The following PHF21A variants were observed in gnomAD, a reference collection of about 807,000 sequenced individuals.
PHF21A encodes PHD finger protein 21A.
In PHF21A, 11 loss-of-function variants were observed where a neutral mutation model predicts 82.5. The ratio of observed to expected loss-of-function variants is 0.13; its 90% CI spans 0.08 to 0.22. The LOEUF (loss-of-function observed/expected upper bound fraction) is 0.22. Ranked by LOEUF, PHF21A falls within the 10% of genes least tolerant of loss-of-function variation. PHF21A has a pLI of 1.00. For synonymous variants in PHF21A, 297 were observed against 302.8 expected (o/e 0.98, Z 0.20); for missense variants, 579 against 837.8 (o/e 0.69, Z 3.81).
chr11:46,117,510 G>A (rs529146148), intron 1 of PHF21A, among the ~76,000 whole-genome samples: 24 of 152,178 alleles, frequency 1.6e-4, no homozygotes, highest in Non-Finnish European at 3.2e-4. Context: ...TTATAAAGCC[G>A]AGTGCCTAAA....
chr11:46,084,836 C>T (rs111608645), intron 3 of PHF21A, among the ~76,000 whole-genome samples: 2,213 of 152,154 alleles, frequency 0.015, 49 homozygotes, highest in African/African-American at 0.05. Flanking sequence ...CCTGCCACTA[C>T]GCCCGGCTCA....
At position 46,025,149 on chromosome 11, in the gene PHF21A, G is replaced by C. The variant is rs1237963205; in HGVS notation, c.154-45183C>G. ...GAGATAACAGTGACAGGAATATGTT[G>C]AAAGAAAATAATTTTCTCTGGGGCA... On this transcript the variant is annotated intron_variant, in intron 6 of 18. Transcript: ENST00000676320. 6.0e-5 allele frequency among the ~76,000 whole-genome samples: 9 copies of C among 150,648 alleles called. No homozygotes were observed. The East Asian group carries it at 1.8e-3, about 29-fold the overall frequency.
At chr11:46,007,134 G>A (rs182037599) in intron 6 of PHF21A, among the ~76,000 whole-genome samples, 18 of 152,222 alleles carry the variant, frequency 1.2e-4, no homozygotes, top group South Asian at 4.1e-4. Context: ...ATAACGTGAC[G>A]AGACATCTAT....
intron 6 of PHF21A, among the ~76,000 whole-genome samples, chr11:45,989,371 T>A (rs1057478460): frequency 2.7e-5 from 4 of 150,620 alleles, no homozygotes; most frequent in African/African-American, 9.8e-5. Flanking sequence ...TTAGCTGGGG[T>A]GGGCCAGACG....
intron 6 of PHF21A, among the ~76,000 whole-genome samples, chr11:46,053,869 T>C (rs977564773): frequency 3.3e-5 from 5 of 152,192 alleles, no homozygotes; most frequent in African/African-American, 9.6e-5. Flanking sequence ...AAAGTTACTA[T>C]GACCTTGCTC....
intron 6 of PHF21A, chr11:46,026,830 T>C (rs1333105068): frequency 6.6e-6 from 1 of 152,124 alleles, no homozygotes; most frequent in Non-Finnish European, 1.5e-5. Context: ...AGAGCCAGCA[T>C]CACGAAGAAT....
rs557859186 is a variant in PHF21A, at chr11:46,019,607, C to T, written c.154-39641G>A. Among the ~76,000 whole-genome samples the T allele has an allele frequency of 2.6e-5, 4 of 152,298 alleles. No individual in the cohort carries two copies. The East Asian group carries it at 5.8e-4, about 22-fold the overall frequency. On this transcript the variant is annotated intron_variant, in intron 6 of 18. Transcript: ENST00000676320. ...GATGCTATAAATTGCACTCTATTCACCTGTGACCAATTTTTCCAAGATCCA... is the reference window on the plus strand; with the variant it reads ...GATGCTATAAATTGCACTCTATTCATCTGTGACCAATTTTTCCAAGATCCA...
intron 7 of PHF21A, among the ~76,000 whole-genome samples, chr11:45,972,025 A>G (rs890080331): frequency 1.6e-4 from 24 of 151,492 alleles, no homozygotes; most frequent in African/African-American, 4.8e-4. Flanking sequence ...ATGTTAGCCA[A>G]TGAGTATATA....
At position 46,030,144 on chromosome 11, in the gene PHF21A, G is replaced by A. The variant is rs567161195; in HGVS notation, c.153+46610C>T. ...ATAGAGCAAACTGCTGACTCTATCT[G>A]GAGAATATCTTGCTAATACATTAAA... On this transcript the variant is annotated intron_variant, in intron 6 of 18. Transcript: ENST00000676320. Among the ~76,000 whole-genome samples, 11 of 152,288 alleles carry A rather than the reference G, an allele frequency of 7.2e-5. No homozygotes were observed. The South Asian group carries it at 2.3e-3, about 32-fold the overall frequency.
rs1012808327 is a variant in PHF21A at position 46,102,450 on chromosome 11, T to C, written c.-236-10227A>G. Among the ~76,000 whole-genome samples the C allele has an allele frequency of 2.0e-5, 3 of 152,244 alleles. No individual in the cohort carries two copies. In the South Asian group the frequency reaches 6.2e-4, roughly 32 times the overall value. On this transcript the variant is annotated intron_variant, in intron 1 of 18. Transcript: ENST00000676320. ...TCAATATATAATAAGGCATCAGTGGTATTCTGTATTTACAAATCAAGGAAA... is the reference window on the plus strand; with the variant it reads ...TCAATATATAATAAGGCATCAGTGGCATTCTGTATTTACAAATCAAGGAAA...
intron 6 of PHF21A, among the ~76,000 whole-genome samples, chr11:46,069,549 G>C (rs1343379619): frequency 1.3e-5 from 2 of 152,214 alleles, no homozygotes; most frequent in Non-Finnish European, 2.9e-5. Flanking sequence ...AAGGACTATA[G>C]GATCTAACTT....
intron 6 of PHF21A, among the ~76,000 whole-genome samples, chr11:45,982,066 G>T (rs1330393409): frequency 6.8e-6 from 1 of 146,874 alleles, no homozygotes; most frequent in Non-Finnish European, 1.5e-5. Context: ...AAGCGATCCT[G>T]TCACCTCAAC....
intron 1 of PHF21A, chr11:46,118,070 T>G (rs889409098): frequency 6.6e-6 from 1 of 152,182 alleles, no homozygotes; most frequent in Non-Finnish European, 1.5e-5. Flanking sequence ...GAGATCTTCA[T>G]GTAAGCAGAA....
At chr11:46,040,896 C>G (rs1183380106) in intron 6 of PHF21A, among the ~76,000 whole-genome samples, 4 of 127,620 alleles carry the variant, frequency 3.1e-5, no homozygotes, top group Admixed American at 7.5e-5. Flanking sequence ...GGAAGACACA[C>G]ACACACACAC....
intron 1 of PHF21A, among the ~76,000 whole-genome samples, chr11:46,104,024 C>T (rs4756056): frequency 0.9 from 137,263 of 152,198 alleles, 62,067 homozygotes; most frequent in East Asian, 1. Context: ...CTAGGCTCAA[C>T]ATAGGTAGCT....
intron 15 of PHF21A, among the ~76,000 whole-genome samples, chr11:45,939,521 T>G (rs1039991767): frequency 3.9e-5 from 6 of 152,166 alleles, no homozygotes; most frequent in Non-Finnish European, 8.8e-5. Flanking sequence ...GCTGACAATG[T>G]TCTCCTAAAA....
chr11:46,113,054 G>C (rs1186349012), intron 1 of PHF21A, among the ~76,000 whole-genome samples: 1 of 152,204 alleles, frequency 6.6e-6, no homozygotes, highest in Non-Finnish European at 1.5e-5. Context: ...CTACTTAGCA[G>C]AAAGTTCTTA....
chr11:45,938,261 G>A lies in PHF21A; in HGVS notation c.1504C>T (p.Leu502=). The change falls in exon 16 of 19, where the codon CTG becomes TTG. Residue 502 remains leucine (L), a synonymous_variant. Transcript: ENST00000676320. ...ACACGGGAACATGTGTCGCACATCA[G>A]TAACTGGCCACTTTTTCTGCAAACG... The part of the protein sequence containing the change: ...CSVCRKSGQL[L]MCDTCSRVYH... 1 of 1,611,842 alleles carries A rather than the reference G, an allele frequency of 6.2e-7. No individual in the cohort carries two copies.
chr11:45,940,070 C>T (rs1321143812), intron 15 of PHF21A, among the ~76,000 whole-genome samples: 3 of 152,160 alleles, frequency 2.0e-5, no homozygotes, highest in Non-Finnish European at 4.4e-5. Context: ...AGGAACACAT[C>T]GTCATGGACC....
Sources: gnomAD v4.1 joint callset for allele counts (sites outside exome capture counted in the v4.1 genomes callset) on GRCh38, gnomAD v4.1.1 for gene constraint, MANE v1.5 for transcripts, NCBI Gene and HGNC (gene_info 2026-07-23, HGNC 2026-07-21) for gene names.